The following CNTNAP5 variants were observed in gnomAD, a reference collection of about 807,000 sequenced individuals.
CNTNAP5 encodes contactin-associated protein-like 5.
A neutral mutation model predicts 150.2 loss-of-function variants in CNTNAP5; 72 were observed. That is an observed-to-expected ratio of 0.48 (90% CI 0.40 to 0.58). The LOEUF (loss-of-function observed/expected upper bound fraction) is 0.58. CNTNAP5 is among the 20% of genes least tolerant of loss of function. The pLI is 0.00. For missense variants in CNTNAP5, 1,636 were observed against 1,626.2 expected (o/e 1.01, Z -0.10); for synonymous variants, 672 against 619.8 (o/e 1.08, Z -1.25).
chr2:124,035,972 C>T lies in CNTNAP5; in HGVS notation c.82+10240C>T, dbSNP rs538561197. On this transcript the variant is annotated intron_variant, in intron 1 of 23. Coordinates refer to ENST00000682447, the MANE Select transcript of CNTNAP5 (RefSeq NM_001367498.1). ...TCGCTCTGTCGCCCAGGCCGGACTGCGGACTGCAGTGGCGCAATCTCGGCT... is the reference window on the plus strand; with the variant it reads ...TCGCTCTGTCGCCCAGGCCGGACTGTGGACTGCAGTGGCGCAATCTCGGCT... 6.1e-3 allele frequency among the ~76,000 whole-genome samples: 766 copies of T among 125,056 alleles called. 2 individuals carry two copies. The highest frequency in any genetic ancestry group is 8.0e-3 in the Non-Finnish European group (513 of 64,002). 82.0% of individuals were successfully genotyped at this position (125,056 alleles called of 152,430 possible).
At chr2:124,394,558 C>T (rs952837973) in intron 3 of CNTNAP5, among the ~76,000 whole-genome samples, 1 of 152,052 alleles carries the variant, frequency 6.6e-6, no homozygotes, top group Non-Finnish European at 1.5e-5. Context: ...CCCCAAATGG[C>T]ATATTAACAA....
rs140919525 is a variant in CNTNAP5 at position 124,524,093 on chromosome 2, C to T, written c.1328-210C>T. ...CAAAACATATCAGAAGTAGTTCAGC[C>T]GTCTTTTTTAAAAAAGAGATTAGAA... On this transcript the variant is annotated intron_variant, in intron 8 of 23. Coordinates refer to ENST00000682447, the MANE Select transcript of CNTNAP5 (RefSeq NM_001367498.1). Among the ~76,000 whole-genome samples, 649 of 152,008 alleles carry T rather than the reference C, an allele frequency of 4.3e-3. 7 individuals carry two copies. The highest frequency in any genetic ancestry group is 0.036 in the South Asian group (174 of 4,818).
intron 13 of CNTNAP5, among the ~76,000 whole-genome samples, chr2:124,734,179 C>A (rs1190711794): frequency 6.6e-6 from 1 of 151,996 alleles, no homozygotes; most frequent in East Asian, 1.9e-4. Context: ...CCCCACATCT[C>A]CAAAGTCCTG....
chr2:124,786,371 GAAAGAAAGAAAGAAAGAAA>G (rs1681575685), intron 17 of CNTNAP5, among the ~76,000 whole-genome samples: 2 of 68,690 alleles, frequency 2.9e-5, no homozygotes, highest in African/African-American at 1.4e-4. Flanking sequence ...AAGAAAGAAA[GAAAGAAAGAAAGAAAGAAA>G]GAAAGAAAGA....
intron 4 of CNTNAP5, among the ~76,000 whole-genome samples, chr2:124,431,443 C>T (rs957212207): frequency 2.0e-5 from 3 of 149,910 alleles, no homozygotes; most frequent in Non-Finnish European, 3.0e-5. Context: ...ATAGCAGCAA[C>T]ATAATGAATA....
chr2:124,862,727 A>T (rs144524104), intron 19 of CNTNAP5, among the ~76,000 whole-genome samples: 20 of 152,270 alleles, frequency 1.3e-4, no homozygotes, highest in African/African-American at 4.8e-4. Flanking sequence ...TCTGACCCAC[A>T]TCCCTTCTGG....
chr2:124,612,520 T>A (rs1163888945), intron 12 of CNTNAP5, among the ~76,000 whole-genome samples: 3 of 152,116 alleles, frequency 2.0e-5, no homozygotes, highest in Non-Finnish European at 2.9e-5. Context: ...TCCAACAGCC[T>A]TCTCCCAGGG....
chr2:124,185,043 C>G (rs1231980786), intron 1 of CNTNAP5, among the ~76,000 whole-genome samples: 2 of 152,192 alleles, frequency 1.3e-5, no homozygotes, highest in Non-Finnish European at 2.9e-5. Context: ...TATCTTCTAT[C>G]TACATCACAA....
intron 21 of CNTNAP5, among the ~76,000 whole-genome samples, chr2:124,882,756 A>T (rs1247594153): frequency 6.6e-6 from 1 of 152,052 alleles, no homozygotes; most frequent in African/African-American, 2.4e-5. Flanking sequence ...GTAATTTATA[A>T]AGAAAAAGAG....
chr2:124,664,831 C>T (rs566244115), intron 13 of CNTNAP5, among the ~76,000 whole-genome samples: 4 of 152,306 alleles, frequency 2.6e-5, no homozygotes, highest in African/African-American at 7.2e-5. Flanking sequence ...GGATTACAGG[C>T]ATGTGCCACC....
chr2:124,530,821 C>G (rs1020484864), intron 10 of CNTNAP5, among the ~76,000 whole-genome samples: 1 of 152,064 alleles, frequency 6.6e-6, no homozygotes, highest in Non-Finnish European at 1.5e-5. Flanking sequence ...CAGGCCAAAC[C>G]ACCAGCCTCA....
chr2:124,352,681 T>C (rs1333117987), intron 3 of CNTNAP5, among the ~76,000 whole-genome samples: 3 of 152,180 alleles, frequency 2.0e-5, no homozygotes, highest in Non-Finnish European at 4.4e-5. Context: ...TTAGCATCTG[T>C]AGTAAAACCT....
At chr2:124,731,254 T>C (rs980385254) in intron 13 of CNTNAP5, among the ~76,000 whole-genome samples, 13 of 152,154 alleles carry the variant, frequency 8.5e-5, no homozygotes, top group African/African-American at 1.7e-4. Flanking sequence ...CTTTGATGTA[T>C]TTGCCCACCT....
At chr2:124,459,319 C>T (rs928594634) in intron 6 of CNTNAP5, among the ~76,000 whole-genome samples, 27 of 152,156 alleles carry the variant, frequency 1.8e-4, no homozygotes, top group Admixed American at 8.5e-4. Flanking sequence ...TGAAAACTTA[C>T]ATCATTTGCC....
chr2:124,655,991 G>GAAAGAA (rs1678444716), intron 13 of CNTNAP5, among the ~76,000 whole-genome samples: 4 of 127,360 alleles, frequency 3.1e-5, no homozygotes, highest in Admixed American at 8.5e-5. Context: ...AAGAAAGAAA[G>GAAAGAA]AAAGAAAAAA....
intron 13 of CNTNAP5, among the ~76,000 whole-genome samples, chr2:124,746,007 A>T: frequency 6.6e-6 from 1 of 152,246 alleles, no homozygotes; most frequent in East Asian, 1.9e-4. Context: ...AAGAATATGC[A>T]TGTAAACTAG....
chr2:124,264,374 GCACACACACACACATACACACACACACA>G (rs1687545537), intron 3 of CNTNAP5, among the ~76,000 whole-genome samples: 2 of 50,164 alleles, frequency 4.0e-5, no homozygotes, highest in South Asian at 1.2e-3. Context: ...ACACACACAG[GCACACACACACACATACACACACACACA>G]CACACACACA....
At chr2:124,828,287 C>G (rs1199939633) in intron 19 of CNTNAP5, among the ~76,000 whole-genome samples, 1 of 152,098 alleles carries the variant, frequency 6.6e-6, no homozygotes, top group Admixed American at 6.6e-5. Context: ...CAAGACCATC[C>G]TGGTTAACAT....
At chr2:124,353,175 C>G (rs562373189) in intron 3 of CNTNAP5, among the ~76,000 whole-genome samples, 2 of 149,210 alleles carry the variant, frequency 1.3e-5, no homozygotes, top group Non-Finnish European at 3.0e-5. Flanking sequence ...TTCTATGAAT[C>G]AATACAATGA....
Sources: gnomAD v4.1 joint callset for allele counts (sites outside exome capture counted in the v4.1 genomes callset) on GRCh38, gnomAD v4.1.1 for gene constraint, MANE v1.5 for transcripts, NCBI Gene and HGNC (gene_info 2026-07-23, HGNC 2026-07-21) for gene names.